The following CDK12 variants were observed in gnomAD, a reference collection of about 807,000 sequenced individuals.
CDK12 encodes cyclin-dependent kinase 12.
Under a neutral mutation model 133.8 loss-of-function variants are expected in CDK12, and 17 were observed. The observed-to-expected ratio is 0.13, with a 90% CI of 0.09 to 0.19. The LOEUF is 0.19. Ranked by LOEUF, CDK12 falls within the 10% of genes least tolerant of loss-of-function variation. CDK12 has a pLI of 1.00. For synonymous variants in CDK12, 694 were observed against 683.6 expected (o/e 1.02, Z -0.24); for missense variants, 1,508 against 1,818.7 (o/e 0.83, Z 3.11).
intron 2 of CDK12, among the ~76,000 whole-genome samples, chr17:39,485,405 C>CG (rs1200458365): frequency 7.5e-6 from 1 of 133,968 alleles, no homozygotes; most frequent in Non-Finnish European, 1.5e-5. Flanking sequence ...AGGCATCCCC[C>CG]CCCTTTTTTT....
At chr17:39,514,239 G>A (rs564654856) in intron 8 of CDK12, among the ~76,000 whole-genome samples, 7 of 152,032 alleles carry the variant, frequency 4.6e-5, no homozygotes, top group Admixed American at 2.6e-4. Flanking sequence ...GGGTTTGAGA[G>A]AATATAGGAA....
At chr17:39,492,985 T>G (rs2051758661) in intron 4 of CDK12, 95 bp downstream of exon 4, 1 of 1,102,746 alleles carries the variant, frequency 9.1e-7, no homozygotes, top group Non-Finnish European at 1.3e-6. Flanking sequence ...TTCTGAGGTG[T>G]TTTGTTTGTT....
intron 1 of CDK12, among the ~76,000 whole-genome samples, chr17:39,465,179 GA>G: frequency 6.7e-6 from 1 of 148,820 alleles, no homozygotes; most frequent in South Asian, 2.2e-4. Context: ...CCGGGAGGCA[GA>G]GGTTGCAGTG....
chr17:39,474,781 C>CTTTT (rs893347738), intron 2 of CDK12, among the ~76,000 whole-genome samples: 182 of 94,082 alleles, frequency 1.9e-3, no homozygotes, highest in African/African-American at 8.1e-3. Flanking sequence ...ATGATGTTTC[C>CTTTT]TTTTTTTTTT....
At chr17:39,554,641 G>T (rs1278830939) in intron 2 of CDK12, among the ~76,000 whole-genome samples, 1 of 152,146 alleles carries the variant, frequency 6.6e-6, no homozygotes, top group Non-Finnish European at 1.5e-5. Context: ...AGCACTCTGG[G>T]AGGCTGAGGC....
downstream of CDK12, among the ~76,000 whole-genome samples, chr17:39,566,123 T>G (rs755534771): frequency 6.6e-6 from 1 of 152,236 alleles, no homozygotes; most frequent in Admixed American, 6.5e-5. Context: ...TACTGGACTT[T>G]AGCAGGATCA....
chr17:39,462,724 G>A lies in CDK12; in HGVS notation c.653G>A (p.Arg218Gln), dbSNP rs2144892705. 1 of 1,614,174 alleles carries A rather than the reference G, an allele frequency of 6.2e-7. No individual in the cohort carries two copies. The highest frequency in any genetic ancestry group is 8.5e-7 in the Non-Finnish European group (1 of 1,180,032). The part of the protein sequence containing the change: ...KSYKTVDSPK[R>Q]RSRSPHRKWS... Reference sequence around the variant, plus strand: ...TACAAAACAGTGGACAGCCCAAAACGGAGATCCAGGAGCCCCCACAGGAAG... The same window carrying A: ...TACAAAACAGTGGACAGCCCAAAACAGAGATCCAGGAGCCCCCACAGGAAG... The change falls in exon 1 of 14, where the codon CGG becomes CAG. Residue 218 changes from arginine (R) to glutamine (Q), a missense_variant. Arg to Gln is a conservative substitution (Grantham distance 43). This residue lies in a region of CDK12 where 460 missense variants were observed against 490.8 expected (regional missense o/e 0.94). Transcript: ENST00000447079.
chr17:39,471,380 G>A lies in CDK12; in HGVS notation c.1548G>A (p.Lys516=), dbSNP rs200254737. Residue 516 remains lysine, a synonymous_variant, in exon 2 of 14, where the codon AAG becomes AAA. Transcript: ENST00000447079. ...IALKEEIVTP[K]ETETSEKETP... ...TGAAAGAGGAGATTGTTACTCCAAA[G>A]GAGACAGAAACATCAGAAAAGGAGA... is the stretch of plus-strand genomic sequence containing the variant. The A allele has an allele frequency of 1.2e-6, 2 of 1,613,932 alleles. No homozygotes were observed. The highest frequency in any genetic ancestry group is 1.7e-6 in the Non-Finnish European group (2 of 1,180,028).
In CDK12 at chr17:39,461,931, C is replaced by T; in HGVS notation, c.-141C>T. ...CTGAGGCGTCGGGAGGGAGGAGGAG[C>T]CTGGGCTACCGTCCCTGCCCTCCCC... On this transcript the variant is annotated 5_prime_UTR_variant, in exon 1 of 14. Transcript: ENST00000447079. 1 of 608,982 alleles carries T rather than the reference C, an allele frequency of 1.6e-6. No homozygotes were observed. The highest frequency in any genetic ancestry group is 2.9e-6 in the Non-Finnish European group (1 of 349,168). The allele number at this position is 608,982 out of a possible 1,614,324, so 37.7% of individuals were successfully genotyped here. A position where few individuals can be genotyped will look rare whatever the true frequency, so the allele number is the denominator to read the frequency against.
At chr17:39,494,327 C>T (rs1400562888) in intron 4 of CDK12, among the ~76,000 whole-genome samples, 197 bp from the exon 5 acceptor site, 2 of 152,194 alleles carry the variant, frequency 1.3e-5, no homozygotes, top group Non-Finnish European at 2.9e-5. Flanking sequence ...CAGGCCTTGG[C>T]CTCCCAAAGT....
chr17:39,461,939 A>G lies in CDK12; in HGVS notation c.-133A>G, dbSNP rs1185586059. On this transcript the variant is annotated 5_prime_UTR_variant, in exon 1 of 14. Transcript: ENST00000447079. ...TCGGGAGGGAGGAGGAGCCTGGGCT[A>G]CCGTCCCTGCCCTCCCCACCCCCTT... The G allele has an allele frequency of 3.4e-6, 2 of 581,164 alleles. No individual in the cohort carries two copies. Among genetic ancestry groups the G allele is most frequent in the Admixed American group, 3.9e-5 (1 of 25,438 alleles). 36.0% of individuals were successfully genotyped at this position (581,164 alleles called of 1,614,324 possible). A position where few individuals can be genotyped will look rare whatever the true frequency, so the allele number is the denominator to read the frequency against.
Position 39,471,606 on chromosome 17 carries a change from A to G in CDK12, c.1774A>G (p.Thr592Ala), listed in dbSNP as rs778482603. The G allele has an allele frequency of 3.1e-6, 5 of 1,614,090 alleles. No individual in the cohort carries two copies. The highest frequency in any genetic ancestry group is 4.2e-6 in the Non-Finnish European group (5 of 1,180,026). The part of the protein sequence containing the change: ...STLPPSTHSK[T>A]SAVSSQANSQ... ...TTTGCCCCCTTCTACTCACTCAAAG[A>G]CATCTGCTGTGTCCTCTCAGGCAAA... is the stretch of plus-strand genomic sequence containing the variant. The change falls in exon 2 of 14, where the codon ACA becomes GCA. Residue 592 changes from threonine (T) to alanine (A), a missense_variant. Transcript: ENST00000447079.
intron 9 of CDK12, 125 bp from the exon 10 acceptor site, chr17:39,517,315 C>T: frequency 1.5e-6 from 1 of 652,580 alleles, no homozygotes; most frequent in Non-Finnish European, 2.8e-6. Flanking sequence ...TTTCTGCATG[C>T]CCTGTAATGT....
At chr17:39,548,550 C>T (rs768749558), upstream of CDK12, among the ~76,000 whole-genome samples, 2 of 152,216 alleles carry the variant, frequency 1.3e-5, no homozygotes, top group Non-Finnish European at 2.9e-5. Context: ...TTAGGGGTGA[C>T]TGAAGCCTGG....
intron 2 of CDK12, among the ~76,000 whole-genome samples, chr17:39,555,828 TAC>T (rs60227908): frequency 0.01 from 1,119 of 108,634 alleles, 16 homozygotes; most frequent in African/African-American, 0.027. Context: ...ACCTCATCTC[TAC>T]ACACACACAC....
At chr17:39,502,097 C>G (rs1050759193) in intron 6 of CDK12, among the ~76,000 whole-genome samples, 1 of 151,790 alleles carries the variant, frequency 6.6e-6, no homozygotes, top group Non-Finnish European at 1.5e-5. Flanking sequence ...CCCACCTCAG[C>G]CTCCCAAACT....
chr17:39,503,559 A>G (rs2052882997), intron 6 of CDK12, among the ~76,000 whole-genome samples: 1 of 152,214 alleles, frequency 6.6e-6, no homozygotes, highest in South Asian at 2.1e-4. Context: ...GATGTCTCAA[A>G]GCAGGGAATA....
intron 11 of CDK12, 114 bp from the exon 12 acceptor site, chr17:39,524,560 C>T: frequency 1.1e-6 from 1 of 909,194 alleles, no homozygotes; most frequent in Non-Finnish European, 1.7e-6. Context: ...TTTTTGTTTT[C>T]CTTATTCTTT....
chr17:39,489,836 C>T (rs1490171454), intron 2 of CDK12, among the ~76,000 whole-genome samples: 1 of 141,546 alleles, frequency 7.1e-6, no homozygotes, highest in East Asian at 2.1e-4. Flanking sequence ...GATGGAGTCT[C>T]ACTGTGTTTT....
Sources: allele counts gnomAD v4.1 joint callset (sites outside exome capture counted in the v4.1 genomes callset), GRCh38; gene constraint gnomAD v4.1.1; regional missense constraint gnomAD v4.1.1; transcripts MANE v1.5; gene names NCBI Gene and HGNC (gene_info 2026-07-23, HGNC 2026-07-21).